The following PODXL variants were observed in gnomAD, a reference collection of about 807,000 sequenced individuals.
The protein encoded by PODXL is podocalyxin like, also known as podocalyxin.
A neutral mutation model predicts 48.9 loss-of-function variants in PODXL; 20 were observed. The ratio of observed to expected loss-of-function variants is 0.41; its 90% CI spans 0.29 to 0.59. PODXL has a LOEUF of 0.59. Ranked by LOEUF, PODXL falls within the 20% of genes least tolerant of loss-of-function variation. The probability of loss-of-function intolerance (pLI) is 0.31; values close to 1 mark genes in which losing one functional copy is unlikely to be tolerated. For missense variants in PODXL, 606 were observed against 675.1 expected, an observed-to-expected ratio of 0.90 and a Z score of 1.13; for synonymous variants, 295 against 287.4, an observed-to-expected ratio of 1.03 and a Z score of -0.27.
rs1426271381 is a variant in PODXL at position 131,511,080 on chromosome 7, C to T, written c.454G>A (p.Ala152Thr). The T allele has an allele frequency of 6.2e-7, 1 of 1,614,012 alleles. No homozygotes were observed. Among genetic ancestry groups the T allele is most frequent in the South Asian group, 1.1e-5 (1 of 91,062 alleles). The change falls in exon 2 of 9, where the codon GCA becomes ACA. Residue 152 changes from alanine to threonine, a missense_variant. Transcript: ENST00000378555. ...KPNTTSSQNG[A>T]EDTTNSGGKS... ...CCCCCAGAGTTTGTTGTATCTTCTGCTCCATTCTGGCTGCTTGTGGTGTTA... is the reference window on the plus strand; with the variant it reads ...CCCCCAGAGTTTGTTGTATCTTCTGTTCCATTCTGGCTGCTTGTGGTGTTA...
chr7:131,551,772 TA>T (rs1798671806), intron 1 of PODXL, among the ~76,000 whole-genome samples: 1 of 151,814 alleles, frequency 6.6e-6, no homozygotes, highest in African/African-American at 2.4e-5. Flanking sequence ...CCGTCCCTAC[TA>T]AAAAATACAG....
chr7:131,511,957 C>T (rs1379828239), intron 1 of PODXL, among the ~76,000 whole-genome samples: 1 of 152,198 alleles, frequency 6.6e-6, no homozygotes, highest in Non-Finnish European at 1.5e-5. Context: ...CCTCTGTCTC[C>T]TCCTCCCCAG....
At chr7:131,541,689 GACAA>G (rs1254134140) in intron 1 of PODXL, among the ~76,000 whole-genome samples, 1 of 144,600 alleles carries the variant, frequency 6.9e-6, no homozygotes, top group African/African-American at 2.6e-5. Context: ...AAAAAAAAAA[GACAA>G]ACAAACCAAG....
At chr7:131,513,656 G>C (rs917234541) in intron 1 of PODXL, among the ~76,000 whole-genome samples, 1 of 152,230 alleles carries the variant, frequency 6.6e-6, no homozygotes, top group African/African-American at 2.4e-5. Context: ...GCAGGCAGGA[G>C]TGGTGACATC....
At chr7:131,553,862 G>A (rs996193792) in intron 1 of PODXL, among the ~76,000 whole-genome samples, 2 of 152,190 alleles carry the variant, frequency 1.3e-5, no homozygotes, top group East Asian at 1.9e-4. Context: ...ACGGAGGCAC[G>A]GAGATGTGAC....
At position 131,504,601 on chromosome 7, in the gene PODXL, C is replaced by T. The variant is rs567309298; in HGVS notation, c.1480-93G>A. On this transcript the variant is annotated intron_variant, in intron 8 of 8. Transcript: ENST00000378555. ...ACGTACCCCTCCCACTCAGGAGCCC[C>T]ACTGTAGCTAAAGCAGGCCCTCATT... 45 of 1,050,366 alleles carry T rather than the reference C, an allele frequency of 4.3e-5. 1 individual carries two copies. The South Asian group carries it at 5.8e-4, about 14-fold the overall frequency. The allele number at this position is 1,050,366 out of a possible 1,614,324, so 65.1% of individuals were successfully genotyped here.
At chr7:131,547,532 C>T (rs1798600183) in intron 1 of PODXL, among the ~76,000 whole-genome samples, 1 of 152,194 alleles carries the variant, frequency 6.6e-6, no homozygotes, top group Non-Finnish European at 1.5e-5. Flanking sequence ...TCTGAGATCA[C>T]AAGGCTAACA....
intron 1 of PODXL, among the ~76,000 whole-genome samples, chr7:131,543,935 C>A (rs897093603): frequency 6.6e-6 from 1 of 152,216 alleles, no homozygotes; most frequent in South Asian, 2.1e-4. Context: ...TCTGCATATG[C>A]AGCCACACAC....
chr7:131,513,302 A>G (rs73722842), intron 1 of PODXL, among the ~76,000 whole-genome samples: 9,713 of 152,240 alleles, frequency 0.064, 343 homozygotes, highest in Middle Eastern at 0.11. Context: ...CAAAAGGTGG[A>G]GAGAGTCAAG....
chr7:131,512,696 A>C (rs997138584), intron 1 of PODXL, among the ~76,000 whole-genome samples: 1 of 152,158 alleles, frequency 6.6e-6, no homozygotes, highest in African/African-American at 2.4e-5. Context: ...AATCACATTC[A>C]GCCGGGTGTG....
chr7:131,545,600 CTCGATGTTCTACTAAATCTAGA>C (rs923459277), intron 1 of PODXL, among the ~76,000 whole-genome samples: 29 of 152,280 alleles, frequency 1.9e-4, no homozygotes, highest in African/African-American at 6.0e-4. Context: ...AGCTGTTCCT[CTCGATGTTCTACTAAATCTAGA>C]TCGATGTTCT....
chr7:131,552,110 G>A (rs1008396336), intron 1 of PODXL, among the ~76,000 whole-genome samples: 2 of 152,200 alleles, frequency 1.3e-5, no homozygotes, highest in African/African-American at 4.8e-5. Flanking sequence ...TTCCCAGGAT[G>A]CAAACTCCCC....
At chr7:131,509,959 G>A (rs1470852724) in intron 3 of PODXL, among the ~76,000 whole-genome samples, 1 of 152,154 alleles carries the variant, frequency 6.6e-6, no homozygotes, top group African/African-American at 2.4e-5. Flanking sequence ...GGGATTCGAA[G>A]CCAGGATTAT....
chr7:131,507,728 A>C (rs1584808101), intron 5 of PODXL, among the ~76,000 whole-genome samples: 1 of 151,808 alleles, frequency 6.6e-6, no homozygotes, highest in Non-Finnish European at 1.5e-5. Flanking sequence ...ATCCAAAAAG[A>C]GGGTCTGAGG....
In PODXL at chr7:131,529,614, T is replaced by TA. The variant is rs532172541; in HGVS notation, c.101-18182dup. 7.5e-3 allele frequency among the ~76,000 whole-genome samples: 1,076 copies of TA among 142,918 alleles called. 4 individuals carry two copies. The highest frequency in any genetic ancestry group is 0.014 in the Middle Eastern group (4 of 278). The allele number at this position is 142,918 out of a possible 152,430, so 93.8% of individuals were successfully genotyped here. A position where few individuals can be genotyped will look rare whatever the true frequency, so the allele number is the denominator to read the frequency against. Reference sequence around the variant, plus strand: ...CACCCCCAACTCATCTCCACAGAAATAAAAAAAAAAACTTCCAAGGGGAGA... The same window carrying TA: ...CACCCCCAACTCATCTCCACAGAAATAAAAAAAAAAAACTTCCAAGGGGAGA... On this transcript the variant is annotated intron_variant, in intron 1 of 8. Transcript: ENST00000378555.
intron 1 of PODXL, among the ~76,000 whole-genome samples, chr7:131,536,994 G>A (rs377511886): frequency 4.6e-5 from 7 of 152,092 alleles, no homozygotes; most frequent in East Asian, 3.9e-4. Context: ...GTGTGGTGGC[G>A]CACACCTGTA....
Position 131,531,440 on chromosome 7 carries a change from G to GA in PODXL, c.101-20008_101-20007insT, listed in dbSNP as rs1179198168. 3.9e-5 allele frequency among the ~76,000 whole-genome samples: 6 copies of GA among 152,248 alleles called. No individual in the cohort carries two copies. In the East Asian group the frequency reaches 7.7e-4, roughly 20 times the overall value. On this transcript the variant is annotated intron_variant, in intron 1 of 8. Coordinates refer to ENST00000378555, the MANE Select transcript of PODXL (RefSeq NM_001018111.3). ...CGAGGAACTGACTCGCCTCACTCTC[G>GA]CCAACCAGTGTCGGCTCTCTTCCCC... is the stretch of plus-strand genomic sequence containing the variant.
intron 1 of PODXL, among the ~76,000 whole-genome samples, chr7:131,545,757 T>C (rs749855536): frequency 6.6e-6 from 1 of 152,234 alleles, no homozygotes; most frequent in Non-Finnish European, 1.5e-5. Flanking sequence ...AAGATCATAA[T>C]GTATTTTGAC....
intron 1 of PODXL, chr7:131,520,034 T>C (rs1477250): frequency 0.46 from 85,021 of 183,904 alleles, 20,044 homozygotes; most frequent in East Asian, 0.62. Context: ...CACAAATTTC[T>C]TGGGAAAGAA....
Sources: allele counts gnomAD v4.1 joint callset (sites outside exome capture counted in the v4.1 genomes callset), GRCh38; gene constraint gnomAD v4.1.1; transcripts MANE v1.5; gene names NCBI Gene and HGNC (gene_info 2026-07-23, HGNC 2026-07-21).